HDAC4: variants seen among roughly 807,000 people sequenced by gnomAD.
The protein encoded by HDAC4 is histone deacetylase 4, also known as histone deacetylase A.
A neutral mutation model predicts 135.1 loss-of-function variants in HDAC4; 16 were observed. The ratio of observed to expected loss-of-function variants is 0.12; its 90% CI spans 0.08 to 0.18. The LOEUF (loss-of-function observed/expected upper bound fraction) is 0.18. HDAC4 is among the 10% of genes least tolerant of loss of function. The pLI, the probability that HDAC4 is intolerant of heterozygous loss-of-function variation, is 1.00. For missense variants in HDAC4, 1,143 were observed against 1,511.8 expected, an observed-to-expected ratio of 0.76 and a Z score of 4.05; for synonymous variants, 685 against 653.4, an observed-to-expected ratio of 1.05 and a Z score of -0.74.
intron 3 of HDAC4, among the ~76,000 whole-genome samples, chr2:239,194,462 C>T (rs574205768): frequency 6.6e-5 from 10 of 152,288 alleles, no homozygotes; most frequent in South Asian, 4.1e-4. Flanking sequence ...GCTTGGGTGA[C>T]GCTCCTGCCC....
At chr2:239,383,642 C>T (rs1005812891) in intron 1 of HDAC4, among the ~76,000 whole-genome samples, 1 of 152,192 alleles carries the variant, frequency 6.6e-6, no homozygotes, top group African/African-American at 2.4e-5. Flanking sequence ...CATTTATTCC[C>T]TCTCTGTACC....
intron 1 of HDAC4, among the ~76,000 whole-genome samples, chr2:239,371,825 G>A (rs913062666): frequency 2.6e-5 from 4 of 152,206 alleles, no homozygotes; most frequent in East Asian, 1.9e-4. Flanking sequence ...CTGCGCATCC[G>A]GCCCTGCCTC....
intron 12 of HDAC4, among the ~76,000 whole-genome samples, chr2:239,120,301 A>G (rs150723913): frequency 9.9e-4 from 151 of 152,250 alleles, no homozygotes; most frequent in African/African-American, 3.5e-3. Context: ...CTCAGGGACC[A>G]GTGGTAGGGT....
At chr2:239,333,406 A>G (rs1691716132) in intron 2 of HDAC4, among the ~76,000 whole-genome samples, 1 of 152,198 alleles carries the variant, frequency 6.6e-6, no homozygotes, top group Non-Finnish European at 1.5e-5. Flanking sequence ...AAGCAACTTC[A>G]TATTTTAAGA....
At chr2:239,205,098 T>C (rs973739789) in intron 3 of HDAC4, among the ~76,000 whole-genome samples, 1 of 152,182 alleles carries the variant, frequency 6.6e-6, no homozygotes, top group Admixed American at 6.5e-5. Context: ...CCCACGTGGC[T>C]GGCAGGTGGC....
At chr2:239,179,497 G>T (rs554679269) in intron 4 of HDAC4, among the ~76,000 whole-genome samples, 1 of 152,156 alleles carries the variant, frequency 6.6e-6, no homozygotes, top group Admixed American at 6.5e-5. Flanking sequence ...AGAATCTAAC[G>T]CCTGATGATC....
chr2:239,048,248 T>A lies in HDAC4; in HGVS notation c.*4849A>T, dbSNP rs1450514807. ...TGTGGTACAGAATACTGGACTCCAG[T>A]GAAGTGGAAAGAAGGTGACCGTCAG... On this transcript the variant is annotated 3_prime_UTR_variant, in exon 27 of 27. Transcript: ENST00000543185. 1.3e-5 allele frequency: 2 copies of A among 152,174 alleles called. No homozygotes were observed. The highest frequency in any genetic ancestry group is 4.8e-5 in the African/African-American group (2 of 41,402). The allele number at this position is 152,174 out of a possible 1,614,324, so 9.4% of individuals were successfully genotyped here. A position where few individuals can be genotyped will look rare whatever the true frequency, so the allele number is the denominator to read the frequency against.
intron 2 of HDAC4, among the ~76,000 whole-genome samples, chr2:239,311,739 C>A (rs747210452): frequency 6.6e-6 from 1 of 152,200 alleles, no homozygotes; most frequent in Non-Finnish European, 1.5e-5. Context: ...CATTCTGACA[C>A]GAAGCTCCCG....
intron 2 of HDAC4, among the ~76,000 whole-genome samples, chr2:239,339,561 C>G (rs765119304): frequency 9.2e-5 from 14 of 152,228 alleles, no homozygotes; most frequent in Non-Finnish European, 1.6e-4. Context: ...CGGAGACCTA[C>G]GTTGTTCTTT....
chr2:239,067,036 C>A (rs949271508), intron 23 of HDAC4, 181 bp from the exon 24 acceptor site: 31 of 718,924 alleles, frequency 4.3e-5, no homozygotes, highest in Non-Finnish European at 6.5e-5. Context: ...CCTCTTTGAT[C>A]TGTTTGAGAG....
chr2:239,178,335 A>G (rs948485649), intron 4 of HDAC4, among the ~76,000 whole-genome samples: 5 of 152,130 alleles, frequency 3.3e-5, no homozygotes, highest in African/African-American at 1.2e-4. Flanking sequence ...CAGTGGCGCA[A>G]TCATAGCTCA....
intron 2 of HDAC4, among the ~76,000 whole-genome samples, chr2:239,330,257 G>A (rs545840365): frequency 1.3e-5 from 2 of 152,388 alleles, no homozygotes; most frequent in East Asian, 3.9e-4. Flanking sequence ...CTTTCCATAG[G>A]AGCATCGGGA....
At chr2:239,311,174 C>T (rs2052858227) in intron 2 of HDAC4, among the ~76,000 whole-genome samples, 1 of 152,144 alleles carries the variant, frequency 6.6e-6, no homozygotes, top group Non-Finnish European at 1.5e-5. Flanking sequence ...GAGGTGTTAG[C>T]TCTGCAGCTC....
chr2:239,263,885 C>T (rs1027598646), intron 2 of HDAC4, among the ~76,000 whole-genome samples: 9 of 152,186 alleles, frequency 5.9e-5, no homozygotes, highest in Non-Finnish European at 1.0e-4. Flanking sequence ...GCCACTCTGC[C>T]CCTTCTCTGC....
intron 2 of HDAC4, among the ~76,000 whole-genome samples, chr2:239,328,235 G>C (rs1369679585): frequency 6.6e-6 from 1 of 152,232 alleles, no homozygotes; most frequent in Admixed American, 6.5e-5. Context: ...CGGTAACCCA[G>C]GACTGTGGGG....
intron 12 of HDAC4, among the ~76,000 whole-genome samples, chr2:239,125,925 G>C (rs1470576797): frequency 6.6e-6 from 1 of 152,244 alleles, no homozygotes; most frequent in Non-Finnish European, 1.5e-5. Flanking sequence ...CTGCACCCGG[G>C]CCCCCCGGCC....
At chr2:239,259,262 A>T (rs1403414396) in intron 2 of HDAC4, among the ~76,000 whole-genome samples, 2 of 152,192 alleles carry the variant, frequency 1.3e-5, no homozygotes. Context: ...CAGCCTGGGC[A>T]ACAAGGTGAA....
chr2:239,274,145 G>A (rs879554246), intron 2 of HDAC4, among the ~76,000 whole-genome samples: 2 of 152,192 alleles, frequency 1.3e-5, no homozygotes, highest in African/African-American at 4.8e-5. Flanking sequence ...GAAATTTTCC[G>A]TAATAAAAAA....
At chr2:239,067,576 G>C (rs963790492) in intron 23 of HDAC4, among the ~76,000 whole-genome samples, 1 of 152,218 alleles carries the variant, frequency 6.6e-6, no homozygotes, top group Non-Finnish European at 1.5e-5. Context: ...TGGTGGCCGC[G>C]GTGCTCCGGG....
Sources: allele counts gnomAD v4.1 joint callset (sites outside exome capture counted in the v4.1 genomes callset), GRCh38; gene constraint gnomAD v4.1.1; transcripts MANE v1.5; gene names NCBI Gene and HGNC (gene_info 2026-07-23, HGNC 2026-07-21).